ADGRB3: variants seen among roughly 807,000 people sequenced by gnomAD.
ADGRB3 encodes brain-specific angiogenesis inhibitor 3.
A neutral mutation model predicts 193.4 loss-of-function variants in ADGRB3; 37 were observed. The observed-to-expected ratio is 0.19, with a 90% CI of 0.15 to 0.25. The LOEUF is 0.25. Among genes scored for constraint, ADGRB3 ranks in the 10% least tolerant of loss-of-function variants. The probability of loss-of-function intolerance (pLI) is 1.00; values close to 1 mark genes in which losing one functional copy is unlikely to be tolerated. For synonymous variants in ADGRB3, 690 were observed against 644.2 expected, an observed-to-expected ratio of 1.07 and a Z score of -1.08; for missense variants, 1,637 against 1,852.9, an observed-to-expected ratio of 0.88 and a Z score of 2.14.
At chr6:68,951,678 A>G (rs1767924100) in intron 6 of ADGRB3, among the ~76,000 whole-genome samples, 1 of 152,176 alleles carries the variant, frequency 6.6e-6, no homozygotes, top group South Asian at 2.1e-4. Flanking sequence ...CAGAATGCTG[A>G]GATGTGAATC....
chr6:69,180,438 T>C (rs1775548741), intron 17 of ADGRB3, among the ~76,000 whole-genome samples: 1 of 151,924 alleles, frequency 6.6e-6, no homozygotes, highest in African/African-American at 2.4e-5. Flanking sequence ...AGGTGTGGAG[T>C]GAAGACGTCT....
intron 12 of ADGRB3, among the ~76,000 whole-genome samples, chr6:69,016,861 A>C (rs944427112): frequency 4.6e-5 from 7 of 151,880 alleles, no homozygotes; most frequent in Non-Finnish European, 8.8e-5. Flanking sequence ...CTTATTTTCA[A>C]CACAAAAAAA....
intron 17 of ADGRB3, among the ~76,000 whole-genome samples, chr6:69,107,231 A>G (rs1773240787): frequency 6.6e-6 from 1 of 152,196 alleles, no homozygotes; most frequent in African/African-American, 2.4e-5. Context: ...ATAGAAAAAA[A>G]TTATATTTCT....
chr6:69,337,952 A>T (rs888746907), intron 24 of ADGRB3, among the ~76,000 whole-genome samples: 1 of 152,216 alleles, frequency 6.6e-6, no homozygotes, highest in Non-Finnish European at 1.5e-5. Context: ...GGAATGGACT[A>T]TGCACACCTC....
At chr6:69,278,896 A>C (rs945421084) in intron 20 of ADGRB3, among the ~76,000 whole-genome samples, 15 of 151,626 alleles carry the variant, frequency 9.9e-5, no homozygotes, top group Non-Finnish European at 2.1e-4. Flanking sequence ...CACTATATTT[A>C]AACTATCATT....
intron 20 of ADGRB3, among the ~76,000 whole-genome samples, chr6:69,254,404 CT>C (rs1432652196): frequency 2.6e-5 from 4 of 151,876 alleles, no homozygotes; most frequent in East Asian, 1.9e-4. Flanking sequence ...ATGCCTATTA[CT>C]TTTTTTTCCA....
At chr6:69,167,567 T>G (rs546328751) in intron 17 of ADGRB3, among the ~76,000 whole-genome samples, 1 of 152,224 alleles carries the variant, frequency 6.6e-6, no homozygotes, top group Non-Finnish European at 1.5e-5. Flanking sequence ...GAGATTTGGG[T>G]TTTTCCAGTT....
At chr6:68,921,103 T>G (rs2150242262) in intron 3 of ADGRB3, among the ~76,000 whole-genome samples, 1 of 151,782 alleles carries the variant, frequency 6.6e-6, no homozygotes, top group South Asian at 2.1e-4. Flanking sequence ...AGGCAAAAAA[T>G]AAACAGCAAG....
At chr6:69,276,578 T>G (rs1167218245) in intron 20 of ADGRB3, among the ~76,000 whole-genome samples, 1 of 152,212 alleles carries the variant, frequency 6.6e-6, no homozygotes, top group Admixed American at 6.5e-5. Flanking sequence ...ATATGTGAAG[T>G]GCTTCTCATT....
intron 20 of ADGRB3, among the ~76,000 whole-genome samples, chr6:69,245,041 A>T (rs1314274494): frequency 6.6e-6 from 1 of 152,016 alleles, no homozygotes; most frequent in Non-Finnish European, 1.5e-5. Context: ...CGGAGGCAAA[A>T]TTTAATGCCT....
At chr6:68,654,988 A>G (rs1170152509) in intron 3 of ADGRB3, among the ~76,000 whole-genome samples, 1 of 151,626 alleles carries the variant, frequency 6.6e-6, no homozygotes, top group Non-Finnish European at 1.5e-5. Flanking sequence ...GTCAGTTTCA[A>G]AAAAGAACAA....
chr6:68,840,521 C>T (rs1296867426), intron 3 of ADGRB3, among the ~76,000 whole-genome samples: 1 of 151,372 alleles, frequency 6.6e-6, no homozygotes, highest in Non-Finnish European at 1.5e-5. Flanking sequence ...CTCAACCTCT[C>T]AAGTAGCTCG....
intron 12 of ADGRB3, among the ~76,000 whole-genome samples, chr6:69,015,081 T>C (rs1194059229): frequency 6.6e-6 from 1 of 152,058 alleles, no homozygotes; most frequent in Non-Finnish European, 1.5e-5. Context: ...GTTACATATT[T>C]GTCCTTGGCT....
chr6:69,232,188 G>A (rs1048334780), intron 17 of ADGRB3, among the ~76,000 whole-genome samples: 7 of 152,146 alleles, frequency 4.6e-5, no homozygotes, highest in African/African-American at 1.7e-4. Context: ...TTCCATGCCT[G>A]GGGGAGGGGA....
intron 3 of ADGRB3, among the ~76,000 whole-genome samples, chr6:68,897,478 G>A (rs1276771748): frequency 1.0e-5 from 1 of 100,078 alleles, no homozygotes; most frequent in Non-Finnish European, 2.1e-5. Flanking sequence ...AGGGAGGGAG[G>A]GATGGAGGAA....
intron 3 of ADGRB3, among the ~76,000 whole-genome samples, chr6:68,709,920 C>G (rs907845495): frequency 3.9e-5 from 6 of 152,202 alleles, no homozygotes; most frequent in Admixed American, 3.3e-4. Context: ...GGCTGCCCCT[C>G]TTAGCCCTTG....
intron 19 of ADGRB3, among the ~76,000 whole-genome samples, chr6:69,235,426 C>CA (rs938340358): frequency 2.0e-5 from 3 of 152,050 alleles, no homozygotes; most frequent in African/African-American, 7.2e-5. Context: ...AGTACTCTTA[C>CA]ACCACAAGTT....
Position 68,635,440 on chromosome 6 carries a change from G to T in ADGRB3, c.-748G>T, listed in dbSNP as rs111335839. ...GCCGTCCGTCCATCAGTACCTGCAG[G>T]GGGGAGGAGGAGGAGGGAGGAAAGC... On this transcript the variant is annotated 5_prime_UTR_variant, in exon 1 of 32. Coordinates refer to ENST00000370598, the MANE Select transcript of ADGRB3 (RefSeq NM_001704.3). The T allele has an allele frequency of 4.7e-3, 711 of 152,450 alleles. 4 individuals carry two copies. Among genetic ancestry groups the T allele is most frequent in the Middle Eastern group, 0.017 (5 of 296 alleles). 9.4% of individuals were successfully genotyped at this position (152,450 alleles called of 1,614,324 possible). A position where few individuals can be genotyped will look rare whatever the true frequency, so the allele number is the denominator to read the frequency against.
At chr6:68,827,226 G>A (rs1029548952) in intron 3 of ADGRB3, among the ~76,000 whole-genome samples, 2 of 152,070 alleles carry the variant, frequency 1.3e-5, no homozygotes, top group African/African-American at 4.8e-5. Context: ...TGGTGTCCTG[G>A]AAGTTATGAA....
Sources: gnomAD v4.1 joint callset for allele counts (sites outside exome capture counted in the v4.1 genomes callset) on GRCh38, gnomAD v4.1.1 for gene constraint, MANE v1.5 for transcripts, NCBI Gene and HGNC (gene_info 2026-07-23, HGNC 2026-07-21) for gene names.